The following SSBP2 variants were observed in gnomAD, a reference collection of about 807,000 sequenced individuals.
SSBP2 encodes single stranded DNA binding protein 2.
A neutral mutation model predicts 61.8 loss-of-function variants in SSBP2; 17 were observed. The ratio of observed to expected loss-of-function variants is 0.28; its 90% CI spans 0.19 to 0.41. The LOEUF is 0.41. Among genes scored for constraint, SSBP2 ranks in the 10% least tolerant of loss-of-function variants. The pLI is 1.00. For synonymous variants in SSBP2, 139 were observed against 141.3 expected (o/e 0.98, Z 0.12); for missense variants, 310 against 458.7 (o/e 0.68, Z 2.96).
intron 4 of SSBP2, among the ~76,000 whole-genome samples, chr5:81,610,683 T>C (rs929450123): frequency 3.9e-5 from 6 of 152,140 alleles, no homozygotes; most frequent in African/African-American, 9.7e-5. Flanking sequence ...TCTATAGACA[T>C]TTCATGAAGT....
At chr5:81,542,646 G>A (rs1214145127) in intron 4 of SSBP2, among the ~76,000 whole-genome samples, 1 of 151,794 alleles carries the variant, frequency 6.6e-6, no homozygotes, top group Non-Finnish European at 1.5e-5. Context: ...GATATGGTTT[G>A]GTGCTGTGTC....
Position 81,672,728 on chromosome 5 carries a change from C to A in SSBP2, c.63-22389G>T, listed in dbSNP as rs551500647. Reference sequence around the variant, plus strand: ...CTGGGATTGCAGGTGCCTGCCACCACATCCAGCTAATTTTTTTGTATTTTT... The same window carrying A: ...CTGGGATTGCAGGTGCCTGCCACCAAATCCAGCTAATTTTTTTGTATTTTT... On this transcript the variant is annotated intron_variant, in intron 1 of 16. Transcript: ENST00000320672. Among the ~76,000 whole-genome samples the A allele has an allele frequency of 1.4e-4, 21 of 146,890 alleles. No homozygotes were observed. In the East Asian group the frequency reaches 4.1e-3, roughly 29 times the overall value.
intron 3 of SSBP2, among the ~76,000 whole-genome samples, chr5:81,625,204 A>AAGCTAAACTAAAGTTT (rs1302807149): frequency 6.6e-6 from 1 of 152,168 alleles, no homozygotes; most frequent in Non-Finnish European, 1.5e-5. Context: ...TAGTTTAGGT[A>AAGCTAAACTAAAGTTT]AGTTTCATAG....
At chr5:81,646,333 C>T (rs1749262830) in intron 2 of SSBP2, among the ~76,000 whole-genome samples, 1 of 152,120 alleles carries the variant, frequency 6.6e-6, no homozygotes, top group Non-Finnish European at 1.5e-5. Context: ...TAATTGATAA[C>T]AATTGGTGCC....
At chr5:81,542,742 G>A (rs1580972087) in intron 4 of SSBP2, among the ~76,000 whole-genome samples, 3 of 151,172 alleles carry the variant, frequency 2.0e-5, no homozygotes, top group Admixed American at 2.0e-4. Flanking sequence ...TGGATCATGG[G>A]GTGGCTTCCC....
chr5:81,585,174 T>C (rs929792806), intron 4 of SSBP2, among the ~76,000 whole-genome samples: 45 of 152,198 alleles, frequency 3.0e-4, no homozygotes, highest in Non-Finnish European at 6.5e-4. Context: ...AACGTACAAT[T>C]ATTTCTCCCC....
chr5:81,554,991 G>A (rs537303186), intron 4 of SSBP2, among the ~76,000 whole-genome samples: 2 of 152,098 alleles, frequency 1.3e-5, no homozygotes, highest in Non-Finnish European at 2.9e-5. Flanking sequence ...CCGTGCAGAT[G>A]TTGCAGTAGA....
chr5:81,710,553 T>C (rs1398418857), intron 1 of SSBP2: 5 of 353,358 alleles, frequency 1.4e-5, no homozygotes, highest in Non-Finnish European at 2.7e-5. Flanking sequence ...AAGTATAATA[T>C]GAGGGGCTGA....
At chr5:81,719,554 A>G (rs1404506225) in intron 1 of SSBP2, among the ~76,000 whole-genome samples, 5 of 152,088 alleles carry the variant, frequency 3.3e-5, no homozygotes, top group Non-Finnish European at 1.5e-5. Flanking sequence ...ACTCCAGAAG[A>G]AGGCTGGCTC....
intron 4 of SSBP2, among the ~76,000 whole-genome samples, chr5:81,544,717 A>G (rs1771593963): frequency 6.6e-6 from 1 of 152,218 alleles, no homozygotes; most frequent in Non-Finnish European, 1.5e-5. Flanking sequence ...TTTAGTGAAC[A>G]AAGAAAGGAA....
At chr5:81,677,451 C>T (rs190192613) in intron 1 of SSBP2, among the ~76,000 whole-genome samples, 256 of 152,174 alleles carry the variant, frequency 1.7e-3, no homozygotes, top group Non-Finnish European at 2.8e-3. Flanking sequence ...CAGGAATCAG[C>T]GCCAGGGAAG....
intron 5 of SSBP2, 50 bp downstream of exon 5, chr5:81,513,578 A>G: frequency 1.8e-6 from 2 of 1,121,978 alleles, no homozygotes; most frequent in Non-Finnish European, 2.7e-6. Context: ...AATAAAATCA[A>G]ACAGGAGTTC....
chr5:81,669,271 T>C (rs909988192), intron 1 of SSBP2, among the ~76,000 whole-genome samples: 1 of 152,194 alleles, frequency 6.6e-6, no homozygotes. Flanking sequence ...GAAGACAGTT[T>C]GGCAATTTCT....
intron 4 of SSBP2, among the ~76,000 whole-genome samples, chr5:81,613,524 ATT>A (rs1745663143): frequency 6.6e-6 from 1 of 152,230 alleles, no homozygotes; most frequent in Non-Finnish European, 1.5e-5. Context: ...GAGCTGCTAA[ATT>A]AGTTCACTTT....
At chr5:81,445,138 T>TTTTATATA (rs1554065521) in intron 12 of SSBP2, among the ~76,000 whole-genome samples, 2 of 33,896 alleles carry the variant, frequency 5.9e-5, no homozygotes, top group South Asian at 1.4e-3. Context: ...AAAAAAAATT[T>TTTTATATA]TATATATATA....
chr5:81,696,606 T>C (rs1753617593), intron 1 of SSBP2, among the ~76,000 whole-genome samples: 1 of 152,218 alleles, frequency 6.6e-6, no homozygotes, highest in Admixed American at 6.5e-5. Flanking sequence ...ACCACAGTTG[T>C]TAGTTCTGGA....
At chr5:81,648,921 A>G (rs1239845281) in intron 2 of SSBP2, among the ~76,000 whole-genome samples, 1 of 152,082 alleles carries the variant, frequency 6.6e-6, no homozygotes, top group Non-Finnish European at 1.5e-5. Context: ...CCAAAATTTT[A>G]AAATTATTAA....
At chr5:81,600,408 A>G (rs2153556009) in intron 4 of SSBP2, among the ~76,000 whole-genome samples, 1 of 152,072 alleles carries the variant, frequency 6.6e-6, no homozygotes, top group African/African-American at 2.4e-5. Flanking sequence ...TAAAAATACA[A>G]AAATTAGCTG....
At position 81,560,932 on chromosome 5, in the gene SSBP2, A is replaced by G. The variant is rs569519708; in HGVS notation, c.283-47215T>C. ...GAATTATTAATTATAGTCATGTTTA[A>G]GCATAGGACTGTTAAATACCACTAA... is the stretch of plus-strand genomic sequence containing the variant. On this transcript the variant is annotated intron_variant, in intron 4 of 16. Coordinates refer to ENST00000320672, the MANE Select transcript of SSBP2 (RefSeq NM_012446.5). 2.6e-5 allele frequency among the ~76,000 whole-genome samples: 4 copies of G among 152,302 alleles called. No homozygotes were observed. The South Asian group carries it at 8.3e-4, about 32-fold the overall frequency.
Sources: gnomAD v4.1 joint callset for allele counts (sites outside exome capture counted in the v4.1 genomes callset) on GRCh38, gnomAD v4.1.1 for gene constraint, MANE v1.5 for transcripts, NCBI Gene and HGNC (gene_info 2026-07-23, HGNC 2026-07-21) for gene names.